The following KANSL1 variants were observed in gnomAD, a reference collection of about 807,000 sequenced individuals.
KANSL1 encodes MLL1/MLL complex subunit KANSL1.
A neutral mutation model predicts 103.6 loss-of-function variants in KANSL1; 22 were observed. The ratio of observed to expected loss-of-function variants is 0.21; its 90% CI spans 0.15 to 0.30. The LOEUF is 0.30. KANSL1 is among the 10% of genes least tolerant of loss of function. The probability of loss-of-function intolerance (pLI) is 1.00; values close to 1 mark genes in which losing one functional copy is unlikely to be tolerated. For missense variants in KANSL1, 1,337 were observed against 1,399.8 expected, an observed-to-expected ratio of 0.96 and a Z score of 0.72; for synonymous variants, 600 against 527.6, an observed-to-expected ratio of 1.14 and a Z score of -1.88.
chr17:46,100,365 A>C (rs1333116504), intron 2 of KANSL1, among the ~76,000 whole-genome samples: 1 of 146,156 alleles, frequency 6.8e-6, no homozygotes, highest in African/African-American at 2.5e-5. Flanking sequence ...TGAATCCAGG[A>C]GGTGACGGAG....
At chr17:46,096,742 C>T (rs1172721821) in intron 2 of KANSL1, among the ~76,000 whole-genome samples, 1 of 151,664 alleles carries the variant, frequency 6.6e-6, no homozygotes, top group African/African-American at 2.4e-5. Flanking sequence ...CCTCAGCCTC[C>T]GGAGTAACTG....
chr17:46,119,116 C>T (rs548309639), intron 2 of KANSL1, among the ~76,000 whole-genome samples: 3 of 152,262 alleles, frequency 2.0e-5, no homozygotes, highest in Admixed American at 1.3e-4. Context: ...TCCTTTGTTC[C>T]GGGCATTGTG....
intron 2 of KANSL1, chr17:46,148,233 C>A (rs889423578): frequency 6.6e-6 from 1 of 152,148 alleles, no homozygotes; most frequent in Non-Finnish European, 1.5e-5. Context: ...TCTCAACAAC[C>A]GCTCCCCCGA....
At chr17:46,107,661 C>T (rs1053367606) in intron 2 of KANSL1, among the ~76,000 whole-genome samples, 1 of 152,212 alleles carries the variant, frequency 6.6e-6, no homozygotes, top group Non-Finnish European at 1.5e-5. Flanking sequence ...AAATTCCTAC[C>T]TCGAGCTGAA....
Position 46,084,536 on chromosome 17 carries a change from G to C in KANSL1, c.1432-1994C>G, listed in dbSNP as rs373952673. ...GTCTCCAGTAAAAATACAAAAAATA[G>C]CTGGGCGTGGTGGTGAGCCCCTGTA... On this transcript the variant is annotated intron_variant, in intron 3 of 14. Coordinates refer to ENST00000432791, the MANE Select transcript of KANSL1 (RefSeq NM_015443.4). Among the ~76,000 whole-genome samples the C allele has an allele frequency of 3.6e-4, 55 of 151,796 alleles. 3 individuals carry two copies. The East Asian group carries it at 8.9e-3, about 25-fold the overall frequency.
chr17:46,213,152 C>T lies in KANSL1; in HGVS notation c.-90+10519G>A, dbSNP rs572578891. The stretch of plus-strand genomic sequence containing the variant: ...TAAAAAAAAGTGAGCTAGAACCATA[C>T]GCTTGCCTGTCTTCTGGGCTGCTGC... On this transcript the variant is annotated intron_variant, in intron 1 of 14. Transcript: ENST00000572904. Among the ~76,000 whole-genome samples the T allele has an allele frequency of 2.3e-4, 35 of 152,322 alleles. No homozygotes were observed. In the South Asian group the frequency reaches 6.2e-3, roughly 27 times the overall value.
intron 1 of KANSL1, among the ~76,000 whole-genome samples, chr17:46,187,672 G>C (rs1244655787): frequency 6.6e-6 from 1 of 152,216 alleles, no homozygotes; most frequent in Non-Finnish European, 1.5e-5. Flanking sequence ...TTAAAATCTT[G>C]GAAAAGCAAG....
In KANSL1 at chr17:46,032,289, A is replaced by C; in HGVS notation, c.2848T>G (p.Ser950Ala). 1 of 1,517,826 alleles carries C rather than the reference A, an allele frequency of 6.6e-7. No homozygotes were observed. The allele number at this position is 1,517,826 out of a possible 1,614,324, so 94.0% of individuals were successfully genotyped here. The change falls in exon 14 of 15, where the codon TCA becomes GCA. Residue 950 changes from serine (S) to alanine (A), a missense_variant. Coordinates refer to ENST00000432791, the MANE Select transcript of KANSL1 (RefSeq NM_015443.4). ...PQRRGSRSYR[S>A]SDGRTTPQLG... Reference sequence around the variant, plus strand: ...TGGGGGGTTGTCCGGCCGTCTGATGACCTGTAGGACCTGCACACCAAGGAA... The same window carrying C: ...TGGGGGGTTGTCCGGCCGTCTGATGCCCTGTAGGACCTGCACACCAAGGAA...
At chr17:46,038,767 A>G (rs371747398) in intron 9 of KANSL1, 81 bp from the exon 10 acceptor site, 1 of 1,555,846 alleles carries the variant, frequency 6.4e-7, no homozygotes, top group African/African-American at 1.4e-5. Flanking sequence ...GAATGGCAGC[A>G]ATACATACTA....
chr17:46,156,469 T>TTC (rs1266435123), intron 2 of KANSL1, among the ~76,000 whole-genome samples: 1 of 152,246 alleles, frequency 6.6e-6, no homozygotes, highest in Non-Finnish European at 1.5e-5. Context: ...TTCTCAGGTC[T>TTC]TCCTATCACC....
chr17:46,039,314 A>G (rs1298950120), intron 8 of KANSL1, 99 bp from the exon 9 acceptor site: 5 of 1,134,816 alleles, frequency 4.4e-6, no homozygotes, highest in Non-Finnish European at 4.9e-6. Flanking sequence ...CCAACGCCGT[A>G]TACCCAGGGC....
At chr17:46,150,004 A>C (rs1387913586) in intron 2 of KANSL1, among the ~76,000 whole-genome samples, 1 of 151,066 alleles carries the variant, frequency 6.6e-6, no homozygotes, top group Non-Finnish European at 1.5e-5. Flanking sequence ...CCTGGGCAAC[A>C]GTGCGAGACT....
At chr17:46,102,357 T>C (rs111957446) in intron 2 of KANSL1, among the ~76,000 whole-genome samples, 21,679 of 152,008 alleles carry the variant, frequency 0.14, 2,125 homozygotes, top group Non-Finnish European at 0.22. Context: ...TCAAGTGATT[T>C]TCCTGCCTCA....
At chr17:46,100,429 G>A (rs1221176640) in intron 2 of KANSL1, among the ~76,000 whole-genome samples, 6 of 130,846 alleles carry the variant, frequency 4.6e-5, no homozygotes, top group Non-Finnish European at 8.5e-5. Context: ...ACAACAGAGT[G>A]AGACTCCCTC....
intron 2 of KANSL1, among the ~76,000 whole-genome samples, chr17:46,145,833 ATT>A (rs1358877735): frequency 3.0e-4 from 45 of 152,158 alleles, no homozygotes; most frequent in Non-Finnish European, 6.0e-4. Flanking sequence ...AGTTCAAGGG[ATT>A]CTCCTGCCTC....
chr17:46,069,367 A>G (rs920109212), intron 4 of KANSL1, among the ~76,000 whole-genome samples: 10 of 152,194 alleles, frequency 6.6e-5, no homozygotes, highest in African/African-American at 2.4e-4. Context: ...CTACTTTTCA[A>G]TACTGATTTC....
At position 46,096,311 on chromosome 17, in the gene KANSL1, C is replaced by CTTTTTTTTTTTTTTTTTTT. The variant is rs71138525; in HGVS notation, c.1290-1629_1290-1611dup. ...CATACTACATACCTGGCTTTTTTTT[C>CTTTTTTTTTTTTTTTTTTT]TTTTTTTTTTTTTTTTTTTTTGAGA... On this transcript the variant is annotated intron_variant, in intron 2 of 14. Transcript: ENST00000432791. Among the ~76,000 whole-genome samples the CTTTTTTTTTTTTTTTTTTT allele has an allele frequency of 5.1e-3, 388 of 76,378 alleles. 18 individuals carry two copies. The highest frequency in any genetic ancestry group is 6.3e-3 in the Non-Finnish European group (258 of 40,664). The allele number at this position is 76,378 out of a possible 152,430, so 50.1% of individuals were successfully genotyped here.
rs2046233786 is a variant in KANSL1, at chr17:46,170,608, T to C, written c.1289+247A>G. The stretch of plus-strand genomic sequence containing the variant: ...TTTTACACATAAGATGTCTCCTAGT[T>C]ATTTTTCTTAGACTTCAAAAGGAAA... On this transcript the variant is annotated intron_variant, in intron 2 of 14. Transcript: ENST00000432791. 2.4e-5 allele frequency: 12 copies of C among 501,860 alleles called. No homozygotes were observed. The East Asian group carries it at 3.8e-4, about 16-fold the overall frequency. The allele number at this position is 501,860 out of a possible 1,614,324, so 31.1% of individuals were successfully genotyped here.
chr17:46,115,918 CCAATGTGA>C (rs1397175872), intron 2 of KANSL1, among the ~76,000 whole-genome samples: 1 of 152,198 alleles, frequency 6.6e-6, no homozygotes, highest in East Asian at 1.9e-4. Context: ...ACAGTAGTTA[CCAATGTGA>C]CAAAGCAGAG....
Sources: gnomAD v4.1 joint callset for allele counts (sites outside exome capture counted in the v4.1 genomes callset) on GRCh38, gnomAD v4.1.1 for gene constraint, MANE v1.5 for transcripts, NCBI Gene and HGNC (gene_info 2026-07-23, HGNC 2026-07-21) for gene names.